SHANK2: variants seen among roughly 807,000 people sequenced by gnomAD.
SHANK2 encodes the protein SH3 and multiple ankyrin repeat domains protein 2.
A neutral mutation model predicts 133.7 loss-of-function variants in SHANK2; 43 were observed. The observed-to-expected ratio is 0.32, with a 90% confidence interval of 0.25 to 0.41. The LOEUF is 0.41. Among genes scored for constraint, SHANK2 ranks in the 10% least tolerant of loss-of-function variants. SHANK2 has a pLI of 1.00. For missense variants in SHANK2, 1,994 were observed against 2,235.8 expected (o/e 0.89, Z 2.18); for synonymous variants, 1,017 against 952.8 (o/e 1.07, Z -1.24).
chr11:70,625,483 AG>A (rs1257841806), intron 17 of SHANK2, among the ~76,000 whole-genome samples: 18 of 152,298 alleles, frequency 1.2e-4, no homozygotes, highest in African/African-American at 4.1e-4. Flanking sequence ...CCAGGCAAAC[AG>A]AGACACATAC....
chr11:70,918,425 ATAGCC>A (rs1950300036), intron 10 of SHANK2, among the ~76,000 whole-genome samples: 1 of 152,238 alleles, frequency 6.6e-6, no homozygotes, highest in Non-Finnish European at 1.5e-5. Context: ...CATGCCAGGT[ATAGCC>A]CAGGTGGCTC....
rs542155438 is a variant in SHANK2 at position 70,607,523 on chromosome 11, C to G, written c.2061+52305G>C. On this transcript the variant is annotated intron_variant, in intron 17 of 25. Transcript: ENST00000601538. ...TGTGCCCAGCACCTGCACGCACACACTGGCTCTAGGGCCTGTTTGCCAGCA... is the reference window on the plus strand; with the variant it reads ...TGTGCCCAGCACCTGCACGCACACAGTGGCTCTAGGGCCTGTTTGCCAGCA... Among the ~76,000 whole-genome samples, 75 of 152,358 alleles carry G rather than the reference C, an allele frequency of 4.9e-4. No homozygotes were observed. In the South Asian group the frequency reaches 0.014, roughly 29 times the overall value.
chr11:70,664,611 T>C (rs1487041356), intron 15 of SHANK2, among the ~76,000 whole-genome samples: 2 of 152,224 alleles, frequency 1.3e-5, no homozygotes, highest in Non-Finnish European at 2.9e-5. Context: ...GCGTGCTCAC[T>C]TGCACTGCTG....
At chr11:70,824,012 CAT>C (rs371089508) in intron 11 of SHANK2, among the ~76,000 whole-genome samples, 3 of 140,378 alleles carry the variant, frequency 2.1e-5, no homozygotes, top group African/African-American at 5.3e-5. Context: ...ACAAGGGACA[CAT>C]GTGGTGCTGG....
chr11:70,666,732 G>A (rs1424916268), intron 15 of SHANK2, among the ~76,000 whole-genome samples: 1 of 152,142 alleles, frequency 6.6e-6, no homozygotes, highest in African/African-American at 2.4e-5. Flanking sequence ...CCTTCTCCAA[G>A]CCCGTCTCAC....
At chr11:70,888,853 G>A (rs922069879) in intron 11 of SHANK2, among the ~76,000 whole-genome samples, 3 of 152,006 alleles carry the variant, frequency 2.0e-5, no homozygotes, top group African/African-American at 4.8e-5. Flanking sequence ...AAGAGGATGA[G>A]AGAAAGGCTG....
intron 17 of SHANK2, among the ~76,000 whole-genome samples, chr11:70,555,909 G>C (rs546005502): frequency 1.3e-5 from 2 of 152,236 alleles, no homozygotes; most frequent in Non-Finnish European, 2.9e-5. Flanking sequence ...TCAAGTCTAT[G>C]AAGGCTGAGA....
At chr11:70,730,826 C>CTTTTTTTTTTTT (rs34081906) in intron 14 of SHANK2, among the ~76,000 whole-genome samples, 2 of 127,392 alleles carry the variant, frequency 1.6e-5, no homozygotes, top group Non-Finnish European at 3.3e-5. Context: ...TTTTTTATTT[C>CTTTTTTTTTTTT]TTTTTTTTTT....
intron 17 of SHANK2, among the ~76,000 whole-genome samples, chr11:70,532,641 A>G (rs549159500): frequency 4.6e-5 from 7 of 151,906 alleles, no homozygotes; most frequent in South Asian, 2.1e-4. Context: ...GTCCATGGAA[A>G]AAAAAAAAAA....
intron 10 of SHANK2, among the ~76,000 whole-genome samples, chr11:70,916,886 T>C (rs1950278977): frequency 6.6e-6 from 1 of 152,192 alleles, no homozygotes; most frequent in Admixed American, 6.5e-5. Flanking sequence ...AATGTATCAT[T>C]TCTCAATCTC....
chr11:70,680,317 C>G (rs1555018090), intron 15 of SHANK2, among the ~76,000 whole-genome samples: 1 of 152,214 alleles, frequency 6.6e-6, no homozygotes, highest in African/African-American at 2.4e-5. Context: ...CACATTTAGC[C>G]TCTTACAGTT....
At chr11:70,831,396 C>T (rs902653306) in intron 11 of SHANK2, among the ~76,000 whole-genome samples, 6 of 152,162 alleles carry the variant, frequency 3.9e-5, no homozygotes, top group African/African-American at 1.4e-4. Flanking sequence ...AACTCTCAGC[C>T]ACCCAACCTG....
chr11:71,085,029 A>G (rs1951359654), intron 8 of SHANK2, among the ~76,000 whole-genome samples: 1 of 152,138 alleles, frequency 6.6e-6, no homozygotes, highest in Non-Finnish European at 1.5e-5. Flanking sequence ...TCCTATACAC[A>G]TTTGACCATT....
intron 2 of SHANK2, among the ~76,000 whole-genome samples, chr11:71,223,270 G>A (rs535081918): frequency 9.2e-5 from 14 of 152,346 alleles, no homozygotes; most frequent in Non-Finnish European, 1.3e-4. Flanking sequence ...TGCCTGCCGC[G>A]TTTAGGACCC....
chr11:71,130,905 G>A (rs370228932), intron 3 of SHANK2, among the ~76,000 whole-genome samples: 2 of 152,166 alleles, frequency 1.3e-5, no homozygotes, highest in African/African-American at 2.4e-5. Context: ...TAGGAAAGCC[G>A]GAAAAAACTC....
intron 17 of SHANK2, among the ~76,000 whole-genome samples, chr11:70,517,946 CAGGG>C (rs1310778369): frequency 2.0e-5 from 3 of 152,162 alleles, no homozygotes; most frequent in South Asian, 2.1e-4. Context: ...ATAGGGAAAA[CAGGG>C]AGAGATATAA....
intron 17 of SHANK2, among the ~76,000 whole-genome samples, chr11:70,543,424 G>C (rs944767334): frequency 2.0e-4 from 30 of 152,296 alleles, no homozygotes; most frequent in Middle Eastern, 3.4e-3. Context: ...AGGAGAGAGA[G>C]AGGCTGAAGG....
intron 10 of SHANK2, among the ~76,000 whole-genome samples, chr11:70,953,072 C>T (rs894542918): frequency 7.9e-5 from 12 of 152,044 alleles, no homozygotes; most frequent in African/African-American, 1.9e-4. Context: ...GTGTGCCCTA[C>T]GAGGACCTTG....
At chr11:70,892,992 T>A (rs76473504) in intron 11 of SHANK2, among the ~76,000 whole-genome samples, 1,980 of 152,246 alleles carry the variant, frequency 0.013, 44 homozygotes, top group African/African-American at 0.044. Flanking sequence ...GCTTCCTGTA[T>A]CTCCTCCACA....
Sources: allele counts gnomAD v4.1 joint callset (sites outside exome capture counted in the v4.1 genomes callset), GRCh38; gene constraint gnomAD v4.1.1; transcripts MANE v1.5; gene names NCBI Gene and HGNC (gene_info 2026-07-23, HGNC 2026-07-21).